The following CAMK2D variants were observed in gnomAD, a reference collection of about 807,000 sequenced individuals.
The protein encoded by CAMK2D is calcium/calmodulin dependent protein kinase II delta, also known as calcium/calmodulin-dependent protein kinase type II subunit delta.
A neutral mutation model predicts 84.0 loss-of-function variants in CAMK2D; 37 were observed. The observed-to-expected ratio is 0.44, with a 90% CI of 0.34 to 0.58. The LOEUF is 0.58. Ranked by LOEUF, CAMK2D falls within the 20% of genes least tolerant of loss-of-function variation. The pLI is 0.02. For synonymous variants in CAMK2D, 202 were observed against 212.5 expected, an observed-to-expected ratio of 0.95 and a Z score of 0.43; for missense variants, 448 against 652.5, an observed-to-expected ratio of 0.69 and a Z score of 3.41.
At chr4:113,570,089 T>C (rs10050100) in intron 4 of CAMK2D, among the ~76,000 whole-genome samples, 9,365 of 152,120 alleles carry the variant, frequency 0.062, 868 homozygotes, top group African/African-American at 0.2. Flanking sequence ...ATATGTACAT[T>C]GAATTCTATA....
chr4:113,552,056 C>T lies in CAMK2D; in HGVS notation c.316G>A (p.Glu106Lys). 6.3e-7 allele frequency: 1 copy of T among 1,593,080 alleles called. No homozygotes were observed. Among genetic ancestry groups the T allele is most frequent in the Non-Finnish European group, 8.6e-7 (1 of 1,163,316 alleles). ...CTGGCATCAGCTTCACTGTAGTATT[C>T]TCTTGCCACTATGTCTTCAAACAGT... ...GELFEDIVAREYYSEADASHC... is the reference protein window; with the variant it reads ...GELFEDIVARKYYSEADASHC... The change falls in exon 5 of 21, where the codon GAA (glutamate) becomes AAA (lysine). Residue 106 changes from glutamate to lysine, a missense_variant. By Grantham distance (56) the Glu-to-Lys change is moderately conservative. This residue lies in a region of CAMK2D where 7 missense variants were observed against 25.5 expected (regional missense o/e 0.27). Transcript: ENST00000511664.
intron 4 of CAMK2D, among the ~76,000 whole-genome samples, chr4:113,565,702 G>A (rs1409514282): frequency 4.0e-5 from 6 of 150,524 alleles, no homozygotes; most frequent in African/African-American, 9.8e-5. Context: ...TTGAACACAC[G>A]TGTGCAAGAT....
At chr4:113,672,831 A>G (rs1409324787) in intron 2 of CAMK2D, among the ~76,000 whole-genome samples, 1 of 152,158 alleles carries the variant, frequency 6.6e-6, no homozygotes, top group Non-Finnish European at 1.5e-5. Flanking sequence ...GAAAAAAAAT[A>G]CTACTGAGTC....
intron 3 of CAMK2D, among the ~76,000 whole-genome samples, chr4:113,628,161 T>A (rs1346952358): frequency 6.6e-6 from 1 of 152,206 alleles, no homozygotes; most frequent in Admixed American, 6.5e-5. Flanking sequence ...CAATCTACTT[T>A]ATAAGTTTGC....
intron 2 of CAMK2D, among the ~76,000 whole-genome samples, chr4:113,726,517 G>C (rs1025070989): frequency 6.6e-6 from 1 of 151,586 alleles, no homozygotes; most frequent in Non-Finnish European, 1.5e-5. Flanking sequence ...GAGTAGCTGG[G>C]GCTACAGGCA....
chr4:113,607,276 C>T (rs895176369), intron 4 of CAMK2D, among the ~76,000 whole-genome samples: 1 of 152,114 alleles, frequency 6.6e-6, no homozygotes, highest in African/African-American at 2.4e-5. Flanking sequence ...GAAACTACGG[C>T]CACATGAGCA....
Position 113,473,570 on chromosome 4 carries a change from C to T in CAMK2D, c.1136-7966G>A, listed in dbSNP as rs540235415. ...AATGTTTACTGTAAACCTCTTTTAT[C>T]CAGAAGTCACCTGTTGAATAACATC... On this transcript the variant is annotated intron_variant, in intron 16 of 20. Coordinates refer to ENST00000511664, the MANE Select transcript of CAMK2D (RefSeq NM_001321571.2). Among the ~76,000 whole-genome samples, 4 of 152,186 alleles carry T rather than the reference C, an allele frequency of 2.6e-5. No individual in the cohort carries two copies. In the South Asian group the frequency reaches 8.3e-4, roughly 32 times the overall value.
chr4:113,723,149 T>C (rs1051458878), intron 2 of CAMK2D, among the ~76,000 whole-genome samples: 1 of 152,104 alleles, frequency 6.6e-6, no homozygotes, highest in African/African-American at 2.4e-5. Flanking sequence ...TTTATTACTT[T>C]ATTAATCATT....
At chr4:113,606,496 GAA>G (rs112614438) in intron 4 of CAMK2D, among the ~76,000 whole-genome samples, 2 of 126,608 alleles carry the variant, frequency 1.6e-5, no homozygotes, top group East Asian at 2.4e-4. Flanking sequence ...CTCTGTCTCA[GAA>G]AAAAAAAAAA....
intron 20 of CAMK2D, among the ~76,000 whole-genome samples, 152 bp downstream of exon 20, chr4:113,455,566 TTCAAAAGC>T (rs1205306764): frequency 6.6e-6 from 1 of 152,178 alleles, no homozygotes; most frequent in East Asian, 1.9e-4. Context: ...GAATGTTAGA[TTCAAAAGC>T]TCATGCAAAA....
chr4:113,471,907 T>G (rs563404079), intron 16 of CAMK2D, among the ~76,000 whole-genome samples: 23 of 151,466 alleles, frequency 1.5e-4, no homozygotes, highest in African/African-American at 5.2e-4. Context: ...ACACTTTTTG[T>G]CCTCTAGGGC....
At chr4:113,488,109 G>A (rs2097783597) in intron 16 of CAMK2D, among the ~76,000 whole-genome samples, 1 of 151,928 alleles carries the variant, frequency 6.6e-6, no homozygotes, top group Non-Finnish European at 1.5e-5. Flanking sequence ...AAAGAAGATA[G>A]AAGGAATAAT....
At chr4:113,658,862 A>G (rs746765886) in intron 3 of CAMK2D, among the ~76,000 whole-genome samples, 4 of 152,208 alleles carry the variant, frequency 2.6e-5, no homozygotes, top group Admixed American at 6.5e-5. Context: ...TCAAGGACCT[A>G]GAATTGTCAC....
chr4:113,594,437 TCAAATATGA>T (rs1401444333), intron 4 of CAMK2D, among the ~76,000 whole-genome samples: 1 of 151,890 alleles, frequency 6.6e-6, no homozygotes, highest in Non-Finnish European at 1.5e-5. Context: ...AGAACCAGAG[TCAAATATGA>T]CAAATATGTG....
chr4:113,613,854 G>T (rs1561361570), intron 3 of CAMK2D, among the ~76,000 whole-genome samples: 2 of 151,814 alleles, frequency 1.3e-5, no homozygotes, highest in Non-Finnish European at 2.9e-5. Flanking sequence ...ATGATAACAT[G>T]GACAAAAAGG....
At chr4:113,558,085 T>C (rs2154208457) in intron 4 of CAMK2D, among the ~76,000 whole-genome samples, 1 of 152,260 alleles carries the variant, frequency 6.6e-6, no homozygotes, top group East Asian at 1.9e-4. Flanking sequence ...AAGAGTTGGT[T>C]ACATACTAGA....
chr4:113,487,179 T>C (rs2097774064), intron 16 of CAMK2D, among the ~76,000 whole-genome samples: 1 of 152,206 alleles, frequency 6.6e-6, no homozygotes, highest in Non-Finnish European at 1.5e-5. Flanking sequence ...TAGCTTGAGA[T>C]AAAATCACCT....
At position 113,661,578 on chromosome 4, in the gene CAMK2D, A is replaced by C. The variant is rs1414941989; in HGVS notation, c.220+135T>G. The stretch of plus-strand genomic sequence containing the variant: ...AGGAAAACTTTGAGGTATCAAATGT[A>C]ACCAAGATTGAAAGTTAGGAACCTA... On this transcript the variant is annotated intron_variant, in intron 3 of 20. Transcript: ENST00000511664. 2.1e-5 allele frequency: 10 copies of C among 466,590 alleles called. No individual in the cohort carries two copies. The South Asian group carries it at 3.1e-4, about 14-fold the overall frequency. The allele number at this position is 466,590 out of a possible 1,614,324, so 28.9% of individuals were successfully genotyped here.
chr4:113,569,965 C>G (rs2098744757), intron 4 of CAMK2D, among the ~76,000 whole-genome samples: 1 of 151,434 alleles, frequency 6.6e-6, no homozygotes, highest in Non-Finnish European at 1.5e-5. Context: ...AATCAGCATA[C>G]AAAAATCAGT....
Sources: allele counts gnomAD v4.1 joint callset (sites outside exome capture counted in the v4.1 genomes callset), GRCh38; gene constraint gnomAD v4.1.1; regional missense constraint gnomAD v4.1.1; transcripts MANE v1.5; gene names NCBI Gene and HGNC (gene_info 2026-07-23, HGNC 2026-07-21).